MSRA: variants seen among roughly 807,000 people sequenced by gnomAD.
MSRA encodes methionine sulfoxide reductase A, also known as mitochondrial peptide methionine sulfoxide reductase.
MSRA carries 54 observed loss-of-function variants against 31.3 expected under a neutral mutation model. That is an observed-to-expected ratio of 1.73 (90% CI 1.39 to 2.17). MSRA has a LOEUF of 2.17. MSRA is among the 30% of genes most tolerant of loss of function. MSRA has a pLI of 0.00. For synonymous variants in MSRA, 169 were observed against 116.5 expected (o/e 1.45, Z -2.90); for missense variants, 507 against 300.9 (o/e 1.69, Z -5.07).
intron 1 of MSRA, among the ~76,000 whole-genome samples, chr8:10,151,261 CA>C (rs34388218): frequency 0.27 from 29,214 of 109,244 alleles, 3,865 homozygotes; most frequent in East Asian, 0.54. Flanking sequence ...GAGTCTGTCT[CA>C]AAAAAAAAAA....
intron 5 of MSRA, among the ~76,000 whole-genome samples, chr8:10,352,856 G>A (rs554286934): frequency 2.6e-5 from 4 of 152,226 alleles, no homozygotes; most frequent in East Asian, 1.9e-4. Context: ...AAGAGGCCCT[G>A]GCTATATTTT....
At chr8:10,256,078 T>C (rs1798162590) in intron 3 of MSRA, among the ~76,000 whole-genome samples, 1 of 152,150 alleles carries the variant, frequency 6.6e-6, no homozygotes, top group African/African-American at 2.4e-5. Flanking sequence ...ATGAAGTTAT[T>C]GTACAGAGTA....
chr8:10,356,593 G>T (rs1017003960), intron 5 of MSRA, among the ~76,000 whole-genome samples: 1 of 152,226 alleles, frequency 6.6e-6, no homozygotes, highest in Non-Finnish European at 1.5e-5. Flanking sequence ...AGTAGGTGAT[G>T]ATGATGACCT....
At chr8:10,299,379 A>G (rs1029991871) in intron 3 of MSRA, among the ~76,000 whole-genome samples, 1 of 152,110 alleles carries the variant, frequency 6.6e-6, no homozygotes, top group African/African-American at 2.4e-5. Context: ...CAAATTACAA[A>G]ATAATATGTT....
intron 3 of MSRA, among the ~76,000 whole-genome samples, chr8:10,288,804 A>G (rs1324454311): frequency 1.3e-5 from 2 of 152,164 alleles, no homozygotes; most frequent in East Asian, 3.9e-4. Context: ...TGTACTATCC[A>G]AGTTGGGAGA....
chr8:10,152,776 CAGGT>C (rs1427515325), intron 1 of MSRA, among the ~76,000 whole-genome samples: 1 of 152,180 alleles, frequency 6.6e-6, no homozygotes, highest in African/African-American at 2.4e-5. Context: ...GACAGGTGAA[CAGGT>C]AGACAGAATG....
intron 1 of MSRA, among the ~76,000 whole-genome samples, chr8:10,109,146 C>A (rs1800100196): frequency 6.6e-6 from 1 of 152,068 alleles, no homozygotes; most frequent in Non-Finnish European, 1.5e-5. Flanking sequence ...CAAATTAAGT[C>A]CAGGAGATAA....
At chr8:10,141,225 T>C (rs896338763) in intron 1 of MSRA, among the ~76,000 whole-genome samples, 1 of 152,194 alleles carries the variant, frequency 6.6e-6, no homozygotes, top group Non-Finnish European at 1.5e-5. Context: ...GTGCCAGGCC[T>C]GGTTCTGTGT....
intron 5 of MSRA, among the ~76,000 whole-genome samples, chr8:10,395,989 T>G (rs892444291): frequency 6.6e-6 from 1 of 152,218 alleles, no homozygotes; most frequent in African/African-American, 2.4e-5. Flanking sequence ...GTCTCTTGTC[T>G]AACACTTGGT....
chr8:10,095,979 GT>G, intron 1 of MSRA: 1 of 1,396,704 alleles, frequency 7.2e-7, no homozygotes, highest in Non-Finnish European at 9.4e-7. Context: ...AATAAAGTTT[GT>G]TCATCAATAC....
intron 1 of MSRA, among the ~76,000 whole-genome samples, chr8:10,061,843 A>C (rs1200627196): frequency 6.6e-6 from 1 of 151,578 alleles, no homozygotes; most frequent in Non-Finnish European, 1.5e-5. Flanking sequence ...GGCCAGGATG[A>C]AGGGTGGGGA....
chr8:10,401,938 C>T (rs1275070952), intron 5 of MSRA, among the ~76,000 whole-genome samples: 5 of 152,150 alleles, frequency 3.3e-5, no homozygotes, highest in Non-Finnish European at 5.9e-5. Flanking sequence ...TAAAGAATTT[C>T]TGTCGGATGA....
intron 1 of MSRA, among the ~76,000 whole-genome samples, chr8:10,136,033 C>A (rs1802245600): frequency 6.7e-6 from 1 of 149,480 alleles, no homozygotes; most frequent in African/African-American, 2.4e-5. Flanking sequence ...TGAGTTAGGG[C>A]TGACTGTGAG....
chr8:10,307,307 C>T (rs1801193425), intron 4 of MSRA, among the ~76,000 whole-genome samples: 1 of 151,948 alleles, frequency 6.6e-6, no homozygotes, highest in South Asian at 2.1e-4. Flanking sequence ...GCTAGGATGA[C>T]AGGTGCACGC....
In MSRA at chr8:10,309,833, A is replaced by G. The variant is rs917302916; in HGVS notation, c.436+8195A>G. 3.3e-5 allele frequency among the ~76,000 whole-genome samples: 5 copies of G among 152,018 alleles called. No individual in the cohort carries two copies. In the South Asian group the frequency reaches 6.2e-4, roughly 19 times the overall value. ...TCACCACAAAGCCCTGCTCCAGGCG[A>G]GTTTTTTCCAGGTGGTCCCAGGGAA... On this transcript the variant is annotated intron_variant, in intron 4 of 5. Coordinates refer to ENST00000317173, the MANE Select transcript of MSRA (RefSeq NM_012331.5).
chr8:10,403,018 G>A (rs1048728613), intron 5 of MSRA, among the ~76,000 whole-genome samples: 1 of 152,164 alleles, frequency 6.6e-6, no homozygotes, highest in Admixed American at 6.5e-5. Flanking sequence ...AAGTTATGTA[G>A]CCAAGTTCAT....
chr8:10,345,621 A>G (rs1803722608), intron 5 of MSRA, among the ~76,000 whole-genome samples: 1 of 152,244 alleles, frequency 6.6e-6, no homozygotes, highest in South Asian at 2.1e-4. Flanking sequence ...ATTATGAAGA[A>G]TTCTAATGTA....
At chr8:10,321,224 CATT>C (rs1186857452) in intron 5 of MSRA, among the ~76,000 whole-genome samples, 4 of 151,976 alleles carry the variant, frequency 2.6e-5, no homozygotes, top group Non-Finnish European at 5.9e-5. Flanking sequence ...TTTTATTTAT[CATT>C]ATATTTTCTG....
chr8:10,097,350 G>T (rs141611606), intron 1 of MSRA, among the ~76,000 whole-genome samples: 1 of 152,002 alleles, frequency 6.6e-6, no homozygotes, highest in East Asian at 1.9e-4. Context: ...ACACTACGTC[G>T]CTGATACTCC....
Sources: gnomAD v4.1 joint callset for allele counts (sites outside exome capture counted in the v4.1 genomes callset) on GRCh38, gnomAD v4.1.1 for gene constraint, MANE v1.5 for transcripts, NCBI Gene and HGNC (gene_info 2026-07-23, HGNC 2026-07-21) for gene names.